PCDHGA1: variants seen among roughly 807,000 people sequenced by gnomAD.
PCDHGA1 encodes protocadherin gamma subfamily A, 1.
PCDHGA1 carries 32 observed loss-of-function variants against 58.0 expected under a neutral mutation model. That is an observed-to-expected ratio of 0.55 (90% CI 0.42 to 0.74). The LOEUF is 0.74. Ranked by LOEUF, PCDHGA1 falls within the 30% of genes least tolerant of loss-of-function variation. PCDHGA1 has a pLI of 0.00. For synonymous variants in PCDHGA1, 498 were observed against 501.1 expected, an observed-to-expected ratio of 0.99 and a Z score of 0.08; for missense variants, 1,205 against 1,182.3, an observed-to-expected ratio of 1.02 and a Z score of -0.28.
intron 1 of PCDHGA1, chr5:141,399,649 G>T: frequency 1.2e-6 from 2 of 1,613,794 alleles, no homozygotes; most frequent in African/African-American, 1.3e-5. Flanking sequence ...CGCGCAAAGT[G>T]GGGTGGTGTT....
Position 141,511,348 on chromosome 5 carries a change from C to T in PCDHGA1, c.*175C>T. Reference sequence around the variant, plus strand: ...TGCCCAGTCAGCACCTACCCCTTCCCCCCCAGGGGGTTGAATATGCAAAAG... The same window carrying T: ...TGCCCAGTCAGCACCTACCCCTTCCTCCCCAGGGGGTTGAATATGCAAAAG... On this transcript the variant is annotated 3_prime_UTR_variant, in exon 4 of 4. Transcript: ENST00000517417. The T allele has an allele frequency of 7.1e-7, 1 of 1,404,104 alleles. No homozygotes were observed. The highest frequency in any genetic ancestry group is 9.5e-7 in the Non-Finnish European group (1 of 1,056,554). 87.0% of individuals were successfully genotyped at this position (1,404,104 alleles called of 1,614,324 possible). A position where few individuals can be genotyped will look rare whatever the true frequency, so the allele number is the denominator to read the frequency against.
chr5:141,383,324 T>C (rs750393068), intron 1 of PCDHGA1: 2 of 1,613,904 alleles, frequency 1.2e-6, no homozygotes, highest in African/African-American at 1.3e-5. Flanking sequence ...AATGTAAAAA[T>C]AATGGAGAAT....
At chr5:141,377,245 G>C (rs376774075) in intron 1 of PCDHGA1, 1 of 151,350 alleles carries the variant, frequency 6.6e-6, no homozygotes, top group South Asian at 2.1e-4. Context: ...TGTGACATTT[G>C]TAAGGTTCTT....
intron 1 of PCDHGA1, chr5:141,388,774 G>A: frequency 3.1e-6 from 5 of 1,613,878 alleles, no homozygotes; most frequent in Non-Finnish European, 4.2e-6. Flanking sequence ...TCTAACACCG[G>A]GGAAATTACT....
intron 1 of PCDHGA1, chr5:141,372,068 T>C (rs770870533): frequency 3.1e-6 from 5 of 1,613,630 alleles, no homozygotes; most frequent in Non-Finnish European, 1.7e-6. Flanking sequence ...GCAACGACAA[T>C]GCACCGCTGG....
chr5:141,380,839 A>G (rs377236135), intron 1 of PCDHGA1, among the ~76,000 whole-genome samples: 1 of 152,258 alleles, frequency 6.6e-6, no homozygotes, highest in Non-Finnish European at 1.5e-5. Context: ...CATCAGGTAA[A>G]AATGGATCAA....
chr5:141,404,195 G>A (rs1472875979), intron 1 of PCDHGA1: 1 of 1,613,400 alleles, frequency 6.2e-7, no homozygotes, highest in East Asian at 2.2e-5. Context: ...CCGAGAAAAA[G>A]CCTCAGAATA....
intron 1 of PCDHGA1, among the ~76,000 whole-genome samples, chr5:141,434,225 G>A (rs1591320318): frequency 6.6e-6 from 1 of 152,146 alleles, no homozygotes; most frequent in African/African-American, 2.4e-5. Flanking sequence ...AACAAAGTAC[G>A]ATTTCTGGAC....
intron 1 of PCDHGA1, chr5:141,351,421 T>C (rs1758716971): frequency 3.1e-6 from 5 of 1,611,696 alleles, no homozygotes; most frequent in Non-Finnish European, 2.5e-6. Flanking sequence ...AAGAAGTTCC[T>C]TTCAAATTAG....
Position 141,432,831 on chromosome 5 carries a change from T to C in PCDHGA1, c.2422-61976T>C. 1 of 1,614,206 alleles carries C rather than the reference T, an allele frequency of 6.2e-7. No individual in the cohort carries two copies. Among genetic ancestry groups the C allele is most frequent in the Non-Finnish European group, 8.5e-7 (1 of 1,180,006 alleles). ...AACTCTGAAACCTCAGACCTCACTC[T>C]GTACCTGGTGGTAGCGGTGGCCGCG... On this transcript the variant is annotated intron_variant, in intron 1 of 3. Coordinates refer to ENST00000517417, the MANE Select transcript of PCDHGA1 (RefSeq NM_018912.3). The surrounding 1 kb of genome is among the most constrained non-coding windows in gnomAD (Gnocchi z 6.0).
intron 1 of PCDHGA1, chr5:141,356,284 C>G (rs2149790554): frequency 1.3e-6 from 2 of 1,556,978 alleles, no homozygotes; most frequent in East Asian, 4.8e-5. Context: ...ATCTTCTTCC[C>G]CGGGTACAGT....
chr5:141,412,664 A>G (rs959517920), intron 1 of PCDHGA1: 10 of 152,288 alleles, frequency 6.6e-5, no homozygotes, highest in African/African-American at 2.4e-4. Flanking sequence ...AGACACTAAT[A>G]TGACCTAAAA....
intron 1 of PCDHGA1, chr5:141,413,581 A>T: frequency 1.9e-6 from 3 of 1,613,920 alleles, no homozygotes; most frequent in Non-Finnish European, 2.5e-6. Context: ...CAATGCTCCA[A>T]AATTCCAAGC....
intron 1 of PCDHGA1, among the ~76,000 whole-genome samples, chr5:141,461,165 TG>T (rs2099010296): frequency 6.6e-6 from 1 of 152,146 alleles, no homozygotes; most frequent in South Asian, 2.1e-4. Flanking sequence ...ATAGTGGGAT[TG>T]CTGGATTGAA....
intron 1 of PCDHGA1, chr5:141,407,996 TGG>T: frequency 1.1e-6 from 1 of 872,310 alleles, no homozygotes; most frequent in South Asian, 2.0e-5. Flanking sequence ...GCCTCTGGCC[TGG>T]GATTCCCTGC....
In PCDHGA1 at chr5:141,419,061, A is replaced by G. The variant is rs747692559; in HGVS notation, c.2422-75746A>G. 5.0e-6 allele frequency: 8 copies of G among 1,613,964 alleles called. No homozygotes were observed. In the Admixed American group the frequency reaches 1.3e-4, roughly 27 times the overall value. ...AAGATTCATTCTTCTTCTAATAATT[A>G]CTACAAGCTAGTAACAGATGAGGCC... On this transcript the variant is annotated intron_variant, in intron 1 of 3. Transcript: ENST00000517417.
Position 141,413,696 on chromosome 5 carries a change from A to G in PCDHGA1, c.2421+80591A>G, listed in dbSNP as rs753150251. On this transcript the variant is annotated intron_variant, in intron 1 of 3. Coordinates refer to ENST00000517417, the MANE Select transcript of PCDHGA1 (RefSeq NM_018912.3). ...GTGGGCGTGAACTCCCTGCAGAGCTATCAGCTCAGCCCCAATAAGCACTTC... is the reference window on the plus strand; with the variant it reads ...GTGGGCGTGAACTCCCTGCAGAGCTGTCAGCTCAGCCCCAATAAGCACTTC... 3.1e-6 allele frequency: 5 copies of G among 1,613,522 alleles called. No homozygotes were observed. In the Admixed American group the frequency reaches 6.7e-5, roughly 22 times the overall value.
At chr5:141,510,272 TAA>T (rs546154379) in intron 3 of PCDHGA1, among the ~76,000 whole-genome samples, 46 of 130,286 alleles carry the variant, frequency 3.5e-4, no homozygotes, top group South Asian at 5.0e-4. Context: ...GACTCCATCT[TAA>T]AAAAAAAAAA....
At chr5:141,365,782 C>G in intron 1 of PCDHGA1, 1 of 1,613,910 alleles carries the variant, frequency 6.2e-7, no homozygotes, top group Non-Finnish European at 8.5e-7. Flanking sequence ...GCGGCGACAA[C>G]GCTCGAGTCA....
Sources: allele counts gnomAD v4.1 joint callset (sites outside exome capture counted in the v4.1 genomes callset), GRCh38; gene constraint gnomAD v4.1.1; non-coding constraint Gnocchi (gnomAD v3.1); transcripts MANE v1.5; gene names NCBI Gene and HGNC (gene_info 2026-07-23, HGNC 2026-07-21).